Variants in STXBP4 observed in about 807,000 individuals in gnomAD.
STXBP4 encodes syntaxin binding protein 4, also known as syntaxin-binding protein 4.
A neutral mutation model predicts 76.1 loss-of-function variants in STXBP4; 55 were observed. That is an observed-to-expected ratio of 0.72 (90% confidence interval 0.58 to 0.91). The LOEUF is 0.91. Among genes scored for constraint, STXBP4 ranks in the 40% least tolerant of loss-of-function variants. The pLI, the probability that STXBP4 is intolerant of heterozygous loss-of-function variation, is 0.00. For missense variants in STXBP4, 618 were observed against 636.9 expected, an observed-to-expected ratio of 0.97 and a Z score of 0.32; for synonymous variants, 201 against 220.2, an observed-to-expected ratio of 0.91 and a Z score of 0.77.
Position 55,171,053 on chromosome 17 carries a change from C to T in STXBP4, c.*11142C>T, listed in dbSNP as rs1397677901. 1 of 152,192 alleles carries T rather than the reference C, an allele frequency of 6.6e-6. No individual in the cohort carries two copies. The highest frequency in any genetic ancestry group is 2.4e-5 in the African/African-American group (1 of 41,448). 9.4% of individuals were successfully genotyped at this position (152,192 alleles called of 1,614,324 possible). A position where few individuals can be genotyped will look rare whatever the true frequency, so the allele number is the denominator to read the frequency against. Reference sequence around the variant, plus strand: ...TCTTTATCTTGCCATTGTCAAAGATCCTGGACCTATTTTTTTCTGCCTTGA... The same window carrying T: ...TCTTTATCTTGCCATTGTCAAAGATTCTGGACCTATTTTTTTCTGCCTTGA... On this transcript the variant is annotated 3_prime_UTR_variant, in exon 18 of 18. Transcript: ENST00000376352.
chr17:55,013,499 G>C (rs1228628345), intron 8 of STXBP4, among the ~76,000 whole-genome samples: 7 of 152,222 alleles, frequency 4.6e-5, no homozygotes, highest in Non-Finnish European at 8.8e-5. Flanking sequence ...TTAGGGTTTT[G>C]AGATGAGGAT....
chr17:55,136,667 C>A lies in STXBP4; in HGVS notation c.1490-4643C>A, dbSNP rs145636851. On this transcript the variant is annotated intron_variant, in intron 16 of 17. Coordinates refer to ENST00000376352, the MANE Select transcript of STXBP4 (RefSeq NM_178509.6). ...ACACTATGAAACTGAGCAAATGTTG[C>A]AAATCAAGGCTTGCCCCCACCCCCA... Among the ~76,000 whole-genome samples, 78 of 152,176 alleles carry A rather than the reference C, an allele frequency of 5.1e-4. No individual in the cohort carries two copies. In the East Asian group the frequency reaches 0.013, roughly 24 times the overall value.
chr17:55,085,901 A>G (rs966134215), intron 16 of STXBP4, among the ~76,000 whole-genome samples: 1 of 152,196 alleles, frequency 6.6e-6, no homozygotes, highest in Admixed American at 6.5e-5. Flanking sequence ...TAATTATGTG[A>G]AGAAATTCTG....
At chr17:55,018,508 T>C (rs1282899589) in intron 8 of STXBP4, among the ~76,000 whole-genome samples, 5 of 152,188 alleles carry the variant, frequency 3.3e-5, no homozygotes, top group Admixed American at 3.3e-4. Flanking sequence ...CCGAGTTTGT[T>C]TATTTTCAAT....
intron 10 of STXBP4, among the ~76,000 whole-genome samples, chr17:55,042,835 C>T (rs72833260): frequency 0.055 from 8,317 of 152,172 alleles, 318 homozygotes; most frequent in Non-Finnish European, 0.082. Flanking sequence ...TGTAAACCAT[C>T]TGATTTATAA....
chr17:55,013,829 T>C (rs2078155682), intron 8 of STXBP4, among the ~76,000 whole-genome samples: 1 of 151,978 alleles, frequency 6.6e-6, no homozygotes, highest in East Asian at 1.9e-4. Context: ...TGCAGGTGAG[T>C]TGAGACATTG....
the STXBP4 span, among the ~76,000 whole-genome samples, chr17:55,202,328 C>A: frequency 2.0e-5 from 3 of 151,824 alleles, no homozygotes; most frequent in South Asian, 2.1e-4. Context: ...AAGATAAAAT[C>A]AAAGGAAATA....
intron 16 of STXBP4, among the ~76,000 whole-genome samples, chr17:55,127,648 G>T (rs1013376020): frequency 6.6e-6 from 1 of 151,974 alleles, no homozygotes; most frequent in Non-Finnish European, 1.5e-5. Flanking sequence ...CTTCATGAGA[G>T]CTATTATTTG....
chr17:55,165,114 G>A lies in STXBP4; in HGVS notation c.*5203G>A, dbSNP rs1163165291. ...TACGTTAACAAAGAGTGTGATATCA[G>A]AAAGCAGAAAAAAGCATGTTCTTTT... On this transcript the variant is annotated 3_prime_UTR_variant, in exon 18 of 18. Coordinates refer to ENST00000376352, the MANE Select transcript of STXBP4 (RefSeq NM_178509.6). 1.3e-5 allele frequency: 2 copies of A among 152,172 alleles called. No individual in the cohort carries two copies. Among genetic ancestry groups the A allele is most frequent in the Non-Finnish European group, 2.9e-5 (2 of 68,024 alleles). 9.4% of individuals were successfully genotyped at this position (152,172 alleles called of 1,614,324 possible).
At chr17:55,005,941 T>TA (rs1005393768) in intron 7 of STXBP4, among the ~76,000 whole-genome samples, 34 of 152,086 alleles carry the variant, frequency 2.2e-4, no homozygotes, top group Admixed American at 2.1e-3. Context: ...TGTATGTATA[T>TA]AAAAAAATTA....
chr17:55,114,602 C>T (rs1194211328), intron 16 of STXBP4, among the ~76,000 whole-genome samples: 1 of 151,952 alleles, frequency 6.6e-6, no homozygotes, highest in Non-Finnish European at 1.5e-5. Context: ...ATCAAAATTC[C>T]TATGGAAAAC....
Position 54,999,612 on chromosome 17 carries a change from T to C in STXBP4, c.288-20T>C, listed in dbSNP as rs753822099. 1.1e-5 allele frequency: 18 copies of C among 1,600,132 alleles called. No homozygotes were observed. In the South Asian group the frequency reaches 2.0e-4, roughly 18 times the overall value. ...CTATATTCATAGCATATCCATAAAG[T>C]GATTTCTTTTTAGTACTAGGTTAGA... On this transcript the variant is annotated intron_variant, in intron 5 of 17. Transcript: ENST00000376352.
intron 16 of STXBP4, among the ~76,000 whole-genome samples, chr17:55,105,350 G>T (rs944373794): frequency 6.6e-6 from 1 of 151,946 alleles, no homozygotes; most frequent in African/African-American, 2.4e-5. Flanking sequence ...TTCAAATAAC[G>T]TATTTATTTC....
chr17:55,110,224 G>C (rs1307641602), intron 16 of STXBP4, among the ~76,000 whole-genome samples: 1 of 152,130 alleles, frequency 6.6e-6, no homozygotes. Context: ...CCACTTTGAA[G>C]GACCCTTATG....
At position 55,015,319 on chromosome 17, in the gene STXBP4, A is replaced by G. The variant is rs556579437; in HGVS notation, c.666+7722A>G. Among the ~76,000 whole-genome samples the G allele has an allele frequency of 3.3e-5, 5 of 152,288 alleles. No individual in the cohort carries two copies. The East Asian group carries it at 7.7e-4, about 24-fold the overall frequency. On this transcript the variant is annotated intron_variant, in intron 8 of 17. Coordinates refer to ENST00000376352, the MANE Select transcript of STXBP4 (RefSeq NM_178509.6). ...TGATTCTGTGTCCCAATGAGGGTCTACACTGGGAACTGCCTGCTGGCCTGT... is the reference window on the plus strand; with the variant it reads ...TGATTCTGTGTCCCAATGAGGGTCTGCACTGGGAACTGCCTGCTGGCCTGT...
rs74753386 is a variant in STXBP4, at chr17:55,011,508, C to T, written c.666+3911C>T. ...GGATCAAAGAGTTTATTTTCTTTTT[C>T]TTTTTTTTTTTTTTTTTGCAGTTGC... On this transcript the variant is annotated intron_variant, in intron 8 of 17. Coordinates refer to ENST00000376352, the MANE Select transcript of STXBP4 (RefSeq NM_178509.6). Among the ~76,000 whole-genome samples, 617 of 85,886 alleles carry T rather than the reference C, an allele frequency of 7.2e-3. 11 individuals are homozygous for T. The highest frequency in any genetic ancestry group is 0.051 in the Middle Eastern group (5 of 98). 56.3% of individuals were successfully genotyped at this position (85,886 alleles called of 152,430 possible).
In STXBP4 at chr17:54,981,054, AG is replaced by A. The variant is rs148910365; in HGVS notation, c.-156-4559del. ...TCCAATGTGACCTGGGGAAGCCAAA[AG>A]ATTGGCCACCCCTGCTATAGAAGTT... On this transcript the variant is annotated intron_variant, in intron 1 of 17. Coordinates refer to ENST00000376352, the MANE Select transcript of STXBP4 (RefSeq NM_178509.6). Among the ~76,000 whole-genome samples, 1,057 of 152,278 alleles carry A rather than the reference AG, an allele frequency of 6.9e-3. 14 individuals are homozygous for A. Among genetic ancestry groups the A allele is most frequent in the African/African-American group, 0.024 (995 of 41,536 alleles).
chr17:55,053,600 C>A (rs567556611), intron 12 of STXBP4, among the ~76,000 whole-genome samples: 1 of 152,258 alleles, frequency 6.6e-6, no homozygotes, highest in African/African-American at 2.4e-5. Flanking sequence ...TGCAGCTCAA[C>A]TGAATATTTG....
At position 55,170,764 on chromosome 17, in the gene STXBP4, T is replaced by C. The variant is rs2080402011; in HGVS notation, c.*10853T>C. On this transcript the variant is annotated 3_prime_UTR_variant, in exon 18 of 18. Transcript: ENST00000376352. The stretch of plus-strand genomic sequence containing the variant: ...ATTGTGGAAACAACAAAAAAATTCA[T>C]TTTTTGAAATGAAAATCTTTATTGA... The C allele has an allele frequency of 6.6e-6, 1 of 152,222 alleles. No individual in the cohort carries two copies. The highest frequency in any genetic ancestry group is 2.4e-5 in the African/African-American group (1 of 41,456). The allele number at this position is 152,222 out of a possible 1,614,324, so 9.4% of individuals were successfully genotyped here.
Sources: allele counts gnomAD v4.1 joint callset (sites outside exome capture counted in the v4.1 genomes callset), GRCh38; gene constraint gnomAD v4.1.1; transcripts MANE v1.5; gene names NCBI Gene and HGNC (gene_info 2026-07-23, HGNC 2026-07-21).